Variants in ENAM observed in about 807,000 individuals in gnomAD.
ENAM encodes the protein enamelin, also known as amelogenesis imperfecta 2, hypocalcification (autosomal dominant).
A neutral mutation model predicts 33.6 loss-of-function variants in ENAM; 21 were observed. The ratio of observed to expected loss-of-function variants is 0.63; its 90% CI spans 0.44 to 0.90. The LOEUF (loss-of-function observed/expected upper bound fraction) is 0.90, where lower values mean the gene tolerates loss of function less well. ENAM is among the 40% of genes least tolerant of loss of function. ENAM has a pLI of 0.00. For missense variants in ENAM, 1,388 were observed against 1,366.9 expected (o/e 1.02, Z -0.24); for synonymous variants, 473 against 468.4 (o/e 1.01, Z -0.13).
chr4:70,635,621 A>G (rs749423521), intron 6 of ENAM, among the ~76,000 whole-genome samples: 5 of 152,198 alleles, frequency 3.3e-5, no homozygotes, highest in Non-Finnish European at 5.9e-5. Context: ...AATGAGTTTA[A>G]CAATATAAAA....
At chr4:70,634,240 A>G (rs1472486893) in intron 5 of ENAM, 68 bp from the exon 6 acceptor site, 3 of 1,499,754 alleles carry the variant, frequency 2.0e-6, no homozygotes, top group Non-Finnish European at 2.8e-6. Context: ...AGAGGCTGAC[A>G]TTAGAGGATG....
chr4:70,644,937 A>G lies in ENAM; in HGVS notation c.*82A>G. On this transcript the variant is annotated 3_prime_UTR_variant, in exon 9 of 9. Transcript: ENST00000396073. ...TGGTTCCCAAAATTTTTTCCCCAAG[A>G]CTTAATTAAGTGTCTGACTGTCTTG... 8.4e-7 allele frequency: 1 copy of G among 1,184,998 alleles called. No individual in the cohort carries two copies. The highest frequency in any genetic ancestry group is 1.3e-6 in the Non-Finnish European group (1 of 799,330). The allele number at this position is 1,184,998 out of a possible 1,614,324, so 73.4% of individuals were successfully genotyped here. A position where few individuals can be genotyped will look rare whatever the true frequency, so the allele number is the denominator to read the frequency against.
At chr4:70,639,902 T>C (rs551169612) in intron 8 of ENAM, among the ~76,000 whole-genome samples, 3 of 152,230 alleles carry the variant, frequency 2.0e-5, no homozygotes, top group African/African-American at 4.8e-5. Flanking sequence ...AACTAAGATG[T>C]CTGTATTCTA....
rs773076296 is a variant in ENAM, at chr4:70,634,369, T to A, written c.272T>A (p.Met91Lys). 4.3e-6 allele frequency: 7 copies of A among 1,614,122 alleles called. No individual in the cohort carries two copies. The highest frequency in any genetic ancestry group is 5.1e-6 in the Non-Finnish European group (6 of 1,179,982). ...GLPQQFPQYQ[M>K]PMWPQPPPNT... ...CCTCAGCAATTTCCACAGTACCAGATGCCCATGTGGCCTCAGCCACCACCC... is the reference window on the plus strand; with the variant it reads ...CCTCAGCAATTTCCACAGTACCAGAAGCCCATGTGGCCTCAGCCACCACCC... Residue 91 changes from methionine (M) to lysine (K), a missense_variant, in exon 6 of 9, where the codon ATG becomes AAG. By Grantham distance (95) the Met-to-Lys change is moderately conservative. Transcript: ENST00000396073.
rs1424366876 is a variant in ENAM, at chr4:70,642,645, G to A, written c.1219G>A (p.Gly407Arg). The change falls in exon 9 of 9, where the codon GGG (glycine) becomes AGG (arginine). Residue 407 changes from glycine (G) to arginine (R), a missense_variant. Gly to Arg is a moderately radical substitution (Grantham distance 125, BLOSUM62 -2). Transcript: ENST00000396073. Reference protein sequence around the residue: ...NPANLRRKPQGPNKHPVGTTV... With the variant: ...NPANLRRKPQRPNKHPVGTTV... Reference sequence around the variant, plus strand: ...AGCAAATCTCAGAAGAAAGCCTCAGGGGCCAAATAAACACCCTGTAGGAAC... The same window carrying A: ...AGCAAATCTCAGAAGAAAGCCTCAGAGGCCAAATAAACACCCTGTAGGAAC... 3 of 1,613,694 alleles carry A rather than the reference G, an allele frequency of 1.9e-6. No homozygotes were observed. The highest frequency in any genetic ancestry group is 1.3e-5 in the African/African-American group (1 of 74,838).
rs1738642294 is a variant in ENAM, at chr4:70,642,984, A to G, written c.1558A>G (p.Ile520Val). 1 of 1,614,160 alleles carries G rather than the reference A, an allele frequency of 6.2e-7. No homozygotes were observed. The highest frequency in any genetic ancestry group is 8.5e-7 in the Non-Finnish European group (1 of 1,180,016). The change falls in exon 9 of 9, where the codon ATT (isoleucine) becomes GTT (valine). Residue 520 changes from isoleucine to valine, a missense_variant. Physicochemically the swap from Ile to Val is conservative, Grantham distance 29. Coordinates refer to ENST00000396073, the MANE Select transcript of ENAM (RefSeq NM_031889.3). ...CCAAAGCCAGAATTTGCCCAAAGGG[A>G]TTGTTTTAGGGTCAAGAAGGATGCC... Reference protein sequence around the residue: ...QTQSQNLPKGIVLGSRRMPYE... With the variant: ...QTQSQNLPKGVVLGSRRMPYE...
chr4:70,630,553 C>T (rs376230259), intron 2 of ENAM, among the ~76,000 whole-genome samples: 13 of 152,076 alleles, frequency 8.5e-5, no homozygotes, highest in East Asian at 7.7e-4. Flanking sequence ...GATGTAAATA[C>T]GAGACTTAAT....
intron 5 of ENAM, among the ~76,000 whole-genome samples, chr4:70,632,953 T>C (rs1034311382): frequency 1.2e-4 from 19 of 152,102 alleles, no homozygotes; most frequent in African/African-American, 4.6e-4. Context: ...GTCTCAAATG[T>C]ATAGTCAAGA....
rs770404812 is a variant in ENAM at position 70,643,806 on chromosome 4, C to T, written c.2380C>T (p.Gln794Ter). ...TATCTGGGATCAGGCAACACATTTA[C>T]AAAAAGCCCCAGCTAGGCCACCAGA... is the stretch of plus-strand genomic sequence containing the variant. The part of the protein sequence containing the change: ...RNIWDQATHL[Q>*]KAPARPPDQK... Residue 794 changes from glutamine to a stop codon, truncating the protein, a stop_gained, in exon 9 of 9, where the codon CAA becomes TAA. Coordinates refer to ENST00000396073, the MANE Select transcript of ENAM (RefSeq NM_031889.3). LOFTEE classifies it low-confidence loss of function (END_TRUNC). 1.2e-6 allele frequency: 2 copies of T among 1,614,164 alleles called. No homozygotes were observed. Among genetic ancestry groups the T allele is most frequent in the East Asian group, 2.2e-5 (1 of 44,884 alleles).
At position 70,634,494 on chromosome 4, in the gene ENAM, C is replaced by T. The variant is rs762288141; in HGVS notation, c.397C>T (p.Pro133Ser). 8.7e-6 allele frequency: 14 copies of T among 1,613,970 alleles called. No individual in the cohort carries two copies. In the East Asian group the frequency reaches 8.9e-5, roughly 10 times the overall value. The change falls in exon 6 of 9, where the codon CCA becomes TCA. Residue 133 changes from proline to serine, a missense_variant. By Grantham distance (74) the Pro-to-Ser change is moderately conservative. Coordinates refer to ENST00000396073, the MANE Select transcript of ENAM (RefSeq NM_031889.3). ...QKPNQTQSKK[P>S]PQKRPLKQPS... ...ACCCAACCAGACTCAGTCAAAAAAG[C>T]CACCACAAAAGCGGCCTTTGAAGCA... is the stretch of plus-strand genomic sequence containing the variant.
Position 70,635,849 on chromosome 4 carries a change from A to G in ENAM, c.489A>G (p.Gly163=). 1 of 1,608,144 alleles carries G rather than the reference A, an allele frequency of 6.2e-7. No individual in the cohort carries two copies. The highest frequency in any genetic ancestry group is 8.5e-7 in the Non-Finnish European group (1 of 1,175,126). ...AQPPQAFPPF[G]NGLFPYQQPP... is the part of the protein sequence containing the mutation. Reference sequence around the variant, plus strand: ...CTCTCTAGGCATTCCCACCATTTGGAAATGGGCTATTCCCCTATCAACAAC... The same window carrying G: ...CTCTCTAGGCATTCCCACCATTTGGGAATGGGCTATTCCCCTATCAACAAC... Residue 163 remains glycine (G), a synonymous_variant, in exon 7 of 9, where the codon GGA becomes GGG. Transcript: ENST00000396073.
chr4:70,635,739 C>T, intron 6 of ENAM, 93 bp from the exon 7 acceptor site: 2 of 810,546 alleles, frequency 2.5e-6, no homozygotes, highest in East Asian at 2.5e-5. Flanking sequence ...GAGATGTAGA[C>T]TCCCAAGTTT....
intron 8 of ENAM, among the ~76,000 whole-genome samples, chr4:70,639,163 A>G (rs977311510): frequency 1.3e-5 from 2 of 152,196 alleles, no homozygotes; most frequent in Admixed American, 6.5e-5. Context: ...TCTCAAATAT[A>G]TCATGAAATA....
chr4:70,639,467 G>A (rs1738547165), intron 8 of ENAM, among the ~76,000 whole-genome samples: 1 of 152,114 alleles, frequency 6.6e-6, no homozygotes, highest in Non-Finnish European at 1.5e-5. Context: ...GTGCTGGCCT[G>A]TAATCCCAGC....
intron 2 of ENAM, among the ~76,000 whole-genome samples, chr4:70,630,915 T>C (rs1249415362): frequency 6.6e-6 from 1 of 152,104 alleles, no homozygotes; most frequent in East Asian, 1.9e-4. Flanking sequence ...CTAATTTTTG[T>C]ATTTTTAGTA....
chr4:70,632,745 C>G (rs2109820091), intron 5 of ENAM, 53 bp downstream of exon 5: 1 of 1,251,548 alleles, frequency 8.0e-7, no homozygotes, highest in Non-Finnish European at 1.2e-6. Flanking sequence ...CTAGATAACT[C>G]CGTTATAAAG....
At chr4:70,634,872 T>C (rs1033920973) in intron 6 of ENAM, among the ~76,000 whole-genome samples, 1 of 152,224 alleles carries the variant, frequency 6.6e-6, no homozygotes, top group African/African-American at 2.4e-5. Context: ...TTATTAGTTG[T>C]ATGCTATTGA....
chr4:70,643,326 G>A lies in ENAM; in HGVS notation c.1900G>A (p.Glu634Lys). Residue 634 changes from glutamate to lysine, a missense_variant, in exon 9 of 9, where the codon GAA becomes AAA. By Grantham distance (56) the Glu-to-Lys change is moderately conservative. Coordinates refer to ENST00000396073, the MANE Select transcript of ENAM (RefSeq NM_031889.3). The stretch of plus-strand genomic sequence containing the variant: ...TTCTCCCAATACTATGGGGCAAAAA[G>A]AAAGTCCACTCTACCCCATAAATAC... ...DDSPNTMGQK[E>K]SPLYPINTPD... 6.2e-7 allele frequency: 1 copy of A among 1,613,886 alleles called. No individual in the cohort carries two copies. Among genetic ancestry groups the A allele is most frequent in the Non-Finnish European group, 8.5e-7 (1 of 1,179,940 alleles).
chr4:70,635,904 T>A lies in ENAM; in HGVS notation c.534+10T>A, dbSNP rs767185103. On this transcript the variant is annotated intron_variant, in intron 7 of 8. Coordinates refer to ENST00000396073, the MANE Select transcript of ENAM (RefSeq NM_031889.3). ...ATGGCAAATTCCACAGGTGAGAAATTTTTTTTTCTTTACACTGTAAGTGAA... is the reference window on the plus strand; with the variant it reads ...ATGGCAAATTCCACAGGTGAGAAATATTTTTTTCTTTACACTGTAAGTGAA... The A allele has an allele frequency of 2.0e-6, 3 of 1,535,774 alleles. No homozygotes were observed. In the South Asian group the frequency reaches 3.4e-5, roughly 17 times the overall value.
Sources: allele counts gnomAD v4.1 joint callset (sites outside exome capture counted in the v4.1 genomes callset), GRCh38; gene constraint gnomAD v4.1.1; transcripts MANE v1.5; gene names NCBI Gene and HGNC (gene_info 2026-07-23, HGNC 2026-07-21).